The following TUBA4B variants were observed in gnomAD, a reference collection of about 807,000 sequenced individuals.
The protein encoded by TUBA4B is tubulin-like protein alpha-4B.
Under a neutral mutation model 18.4 loss-of-function variants are expected in TUBA4B, and 13 were observed. The observed-to-expected ratio is 0.71, with a 90% CI of 0.46 to 1.12. The LOEUF (loss-of-function observed/expected upper bound fraction) is 1.12, where lower values mean the gene tolerates loss of function less well. Ranked by LOEUF, TUBA4B falls within the 50% of genes most tolerant of loss-of-function variation. The pLI is 0.00. For synonymous variants in TUBA4B, 101 were observed against 99.1 expected, an observed-to-expected ratio of 1.02 and a Z score of -0.11; for missense variants, 244 against 250.0, an observed-to-expected ratio of 0.98 and a Z score of 0.16.
chr2:219,262,033 C>T (rs1328533799), intron 1 of TUBA4B, among the ~76,000 whole-genome samples: 4 of 152,198 alleles, frequency 2.6e-5, no homozygotes, highest in East Asian at 1.9e-4. Context: ...ACCTTCTGGC[C>T]GGGTGTAGTG....
chr2:219,257,107 G>A (rs932863705), intron 1 of TUBA4B, among the ~76,000 whole-genome samples: 4 of 146,380 alleles, frequency 2.7e-5, no homozygotes, highest in East Asian at 4.1e-4. Flanking sequence ...ACAGTGGCGC[G>A]ATCTCGGCTC....
At position 219,271,914 on chromosome 2, in the gene TUBA4B, T is replaced by C; in HGVS notation, c.*215T>C. On this transcript the variant is annotated 3_prime_UTR_variant, in exon 4 of 4. Transcript: ENST00000490341. ...ACCTGGTAAAGTGCAACGTGCCATGTGCATGCTGAGCAACATGACAGCCAT... is the reference window on the plus strand; with the variant it reads ...ACCTGGTAAAGTGCAACGTGCCATGCGCATGCTGAGCAACATGACAGCCAT... The C allele has an allele frequency of 6.9e-7, 1 of 1,442,700 alleles. No homozygotes were observed. The highest frequency in any genetic ancestry group is 9.8e-7 in the Non-Finnish European group (1 of 1,024,206). The allele number at this position is 1,442,700 out of a possible 1,614,324, so 89.4% of individuals were successfully genotyped here. A position where few individuals can be genotyped will look rare whatever the true frequency, so the allele number is the denominator to read the frequency against.
At chr2:219,267,814 C>T (rs925087898) in intron 2 of TUBA4B, among the ~76,000 whole-genome samples, 5 of 152,154 alleles carry the variant, frequency 3.3e-5, no homozygotes, top group Non-Finnish European at 7.4e-5. Context: ...CTGCCCACCT[C>T]GGCCTCCTAA....
intron 1 of TUBA4B, among the ~76,000 whole-genome samples, chr2:219,255,217 A>C (rs11675833): frequency 0.98 from 148,622 of 152,316 alleles, 72,631 homozygotes; most frequent in East Asian, 1. Flanking sequence ...GCGTGCACCA[A>C]CACCATGCCC....
chr2:219,269,603 G>A (rs768995759), intron 2 of TUBA4B, among the ~76,000 whole-genome samples: 6 of 152,170 alleles, frequency 3.9e-5, no homozygotes, highest in Non-Finnish European at 5.9e-5. Flanking sequence ...TGTGAAGGCC[G>A]TTCTCTGCCC....
At chr2:219,253,889 G>C (rs1951690570) in intron 1 of TUBA4B, 8 of 1,432,172 alleles carry the variant, frequency 5.6e-6, no homozygotes, top group Non-Finnish European at 7.3e-6. Flanking sequence ...CTCACGTTGA[G>C]TCGGGGTGAC....
At chr2:219,257,801 G>A (rs551988736) in intron 1 of TUBA4B, among the ~76,000 whole-genome samples, 7 of 150,636 alleles carry the variant, frequency 4.6e-5, no homozygotes, top group Admixed American at 3.9e-4. Flanking sequence ...TGGGCAACAA[G>A]AGCGAAACTG....
intron 1 of TUBA4B, among the ~76,000 whole-genome samples, chr2:219,255,220 C>T (rs931818354): frequency 6.6e-6 from 1 of 152,180 alleles, no homozygotes; most frequent in African/African-American, 2.4e-5. Context: ...TGCACCAACA[C>T]CATGCCCAGC....
chr2:219,257,396 A>G (rs868669056), intron 1 of TUBA4B, among the ~76,000 whole-genome samples: 1 of 133,948 alleles, frequency 7.5e-6, no homozygotes, highest in Middle Eastern at 4.1e-3. Flanking sequence ...TAATTCCAGC[A>G]CTTTGGGAGG....
intron 1 of TUBA4B, among the ~76,000 whole-genome samples, chr2:219,263,005 C>T (rs1054331730): frequency 6.6e-6 from 1 of 151,908 alleles, no homozygotes; most frequent in Non-Finnish European, 1.5e-5. Flanking sequence ...AGCACCACTG[C>T]ACCCCAGCCT....
Position 219,271,886 on chromosome 2 carries a change from G to A in TUBA4B, c.*187G>A, listed in dbSNP as rs1014082766. 21 of 1,454,936 alleles carry A rather than the reference G, an allele frequency of 1.4e-5. No homozygotes were observed. Among genetic ancestry groups the A allele is most frequent in the Non-Finnish European group, 1.7e-5 (18 of 1,035,262 alleles). The allele number at this position is 1,454,936 out of a possible 1,614,324, so 90.1% of individuals were successfully genotyped here. On this transcript the variant is annotated 3_prime_UTR_variant, in exon 4 of 4. Transcript: ENST00000490341. ...CAGCCTCCCACTGTGGTGCCTGGGAGTGACCTGGTAAAGTGCAACGTGCCA... is the reference window on the plus strand; with the variant it reads ...CAGCCTCCCACTGTGGTGCCTGGGAATGACCTGGTAAAGTGCAACGTGCCA...
In TUBA4B at chr2:219,253,404, G is replaced by C. The variant is rs1418165690; in HGVS notation, c.-4G>C. On this transcript the variant is annotated 5_prime_UTR_variant, in exon 1 of 4. Transcript: ENST00000490341. Reference sequence around the variant, plus strand: ...GTTGGAATGCATACACAGAGGAAAGGGGGATGCGGCACCAGGTAACCTGAC... The same window carrying C: ...GTTGGAATGCATACACAGAGGAAAGCGGGATGCGGCACCAGGTAACCTGAC... The C allele has an allele frequency of 4.4e-5, 67 of 1,533,424 alleles. No individual in the cohort carries two copies. Among genetic ancestry groups the C allele is most frequent in the Non-Finnish European group, 5.6e-5 (64 of 1,144,628 alleles). The allele number at this position is 1,533,424 out of a possible 1,614,324, so 95.0% of individuals were successfully genotyped here.
At chr2:219,264,594 A>C (rs1029935849) in intron 1 of TUBA4B, among the ~76,000 whole-genome samples, 3 of 152,182 alleles carry the variant, frequency 2.0e-5, no homozygotes, top group Non-Finnish European at 4.4e-5. Flanking sequence ...GCATCGCCAC[A>C]GTCGATCTGA....
intron 1 of TUBA4B, chr2:219,253,963 G>T: frequency 9.2e-7 from 1 of 1,092,206 alleles, no homozygotes; most frequent in Non-Finnish European, 1.2e-6. Context: ...GGGGGGGGCG[G>T]GGCCCGCGTT....
intron 2 of TUBA4B, among the ~76,000 whole-genome samples, chr2:219,269,689 C>T (rs991482679): frequency 6.6e-6 from 1 of 152,206 alleles, no homozygotes; most frequent in Non-Finnish European, 1.5e-5. Context: ...CTGCTGGGAG[C>T]TCTACTGCCT....
chr2:219,262,407 C>G (rs539439024), intron 1 of TUBA4B, among the ~76,000 whole-genome samples: 1 of 152,350 alleles, frequency 6.6e-6, no homozygotes, highest in Admixed American at 6.5e-5. Flanking sequence ...CCCTGCATAT[C>G]TTTCTGTTCC....
chr2:219,260,271 T>C lies in TUBA4B; in HGVS notation c.13-6250T>C, dbSNP rs183941481. On this transcript the variant is annotated intron_variant, in intron 1 of 3. Coordinates refer to ENST00000490341, the MANE Select transcript of TUBA4B (RefSeq NM_001355221.1). ...GATGAATATATGAGGTTTTATTATATTATCTCTATTTTTAGGTATATTTTT... is the reference window on the plus strand; with the variant it reads ...GATGAATATATGAGGTTTTATTATACTATCTCTATTTTTAGGTATATTTTT... Among the ~76,000 whole-genome samples, 239 of 152,272 alleles carry C rather than the reference T, an allele frequency of 1.6e-3. 1 individual carries two copies. The highest frequency in any genetic ancestry group is 6.8e-3 in the Middle Eastern group (2 of 294).
intron 1 of TUBA4B, among the ~76,000 whole-genome samples, chr2:219,257,423 A>G (rs1951728407): frequency 7.0e-6 from 1 of 143,062 alleles, no homozygotes; most frequent in African/African-American, 2.6e-5. Flanking sequence ...CAGGTGGATC[A>G]CGAGGTCAGA....
intron 1 of TUBA4B, chr2:219,254,541 T>C (rs1452255705): frequency 2.0e-5 from 3 of 152,300 alleles, no homozygotes; most frequent in African/African-American, 7.2e-5. Flanking sequence ...CCGCAGCCTG[T>C]CTGCCGGGGC....
Sources: gnomAD v4.1 joint callset for allele counts (sites outside exome capture counted in the v4.1 genomes callset) on GRCh38, gnomAD v4.1.1 for gene constraint, MANE v1.5 for transcripts, NCBI Gene and HGNC (gene_info 2026-07-23, HGNC 2026-07-21) for gene names.